The following PCDH15 variants were observed in gnomAD, a reference collection of about 807,000 sequenced individuals.
The protein encoded by PCDH15 is protocadherin related 15.
Under a neutral mutation model 178.5 loss-of-function variants are expected in PCDH15, and 129 were observed. The ratio of observed to expected loss-of-function variants is 0.72; its 90% CI spans 0.63 to 0.84. The LOEUF is 0.84. PCDH15 is among the 40% of genes least tolerant of loss of function. PCDH15 has a pLI of 0.00. For synonymous variants in PCDH15, 800 were observed against 732.0 expected, an observed-to-expected ratio of 1.09 and a Z score of -1.50; for missense variants, 2,230 against 2,099.9, an observed-to-expected ratio of 1.06 and a Z score of -1.21.
chr10:54,649,547 A>G (rs2094207506), intron 2 of PCDH15, among the ~76,000 whole-genome samples: 1 of 152,078 alleles, frequency 6.6e-6, no homozygotes, highest in Admixed American at 6.6e-5. Context: ...CAGTATTCCA[A>G]TTTTTCAATG....
At chr10:54,037,666 G>A (rs1281739094) in intron 18 of PCDH15, among the ~76,000 whole-genome samples, 1 of 151,920 alleles carries the variant, frequency 6.6e-6, no homozygotes, top group African/African-American at 2.4e-5. Flanking sequence ...AACATTTGCT[G>A]TATTACTGTG....
chr10:54,883,660 GC>G (rs1480018800), intron 3 of PCDH15, among the ~76,000 whole-genome samples: 6 of 151,832 alleles, frequency 4.0e-5, no homozygotes, highest in Admixed American at 3.9e-4. Flanking sequence ...AGTTTTATGT[GC>G]TATCAAACTT....
intron 9 of PCDH15, among the ~76,000 whole-genome samples, chr10:54,222,759 T>C (rs1385811892): frequency 6.6e-6 from 1 of 152,102 alleles, no homozygotes; most frequent in Non-Finnish European, 1.5e-5. Context: ...ACTTTTCATA[T>C]TCTTATTTTG....
At chr10:54,849,321 G>A (rs1025523500) in intron 3 of PCDH15, among the ~76,000 whole-genome samples, 2 of 152,130 alleles carry the variant, frequency 1.3e-5, no homozygotes, top group African/African-American at 2.4e-5. Context: ...TTTGAGTCAA[G>A]CCTTTGTAAG....
At chr10:54,384,308 A>G (rs1949656145) in intron 3 of PCDH15, among the ~76,000 whole-genome samples, 1 of 114,400 alleles carries the variant, frequency 8.7e-6, no homozygotes, top group East Asian at 2.7e-4. Flanking sequence ...AATCTCTACC[A>G]AGCTGAAGAT....
chr10:54,024,147 GTAAA>G (rs1188419360), intron 18 of PCDH15, among the ~76,000 whole-genome samples: 1 of 152,066 alleles, frequency 6.6e-6, no homozygotes, highest in East Asian at 1.9e-4. Context: ...AAAATATTGA[GTAAA>G]TATTCATCGA....
rs1248802069 is a variant in PCDH15 at position 53,984,162 on chromosome 10, T to TG, written c.2868+11486_2868+11487insC. On this transcript the variant is annotated intron_variant, in intron 21 of 37. Transcript: ENST00000644397. ...TTTTTTCTTTTCTTTTTTTTTTTTT[T>TG]TTTTTGAGGCAGAGTCTTGCTCTGT... Among the ~76,000 whole-genome samples, 6 of 127,710 alleles carry TG rather than the reference T, an allele frequency of 4.7e-5. 1 individual carries two copies. The highest frequency in any genetic ancestry group is 1.0e-4 in the Non-Finnish European group (6 of 58,782). 83.8% of individuals were successfully genotyped at this position (127,710 alleles called of 152,430 possible). A position where few individuals can be genotyped will look rare whatever the true frequency, so the allele number is the denominator to read the frequency against.
At chr10:54,983,711 T>A (rs1422932425) in intron 2 of PCDH15, among the ~76,000 whole-genome samples, 7 of 152,178 alleles carry the variant, frequency 4.6e-5, no homozygotes. Context: ...GTACTATTAA[T>A]GATGGCTGGT....
chr10:55,209,807 G>A (rs1476583814), intron 1 of PCDH15, among the ~76,000 whole-genome samples: 1 of 152,000 alleles, frequency 6.6e-6, no homozygotes, highest in South Asian at 2.1e-4. Flanking sequence ...TTTAGTATCT[G>A]GATATAAGCA....
chr10:54,873,336 G>C (rs1674782830), intron 3 of PCDH15, among the ~76,000 whole-genome samples: 1 of 151,872 alleles, frequency 6.6e-6, no homozygotes, highest in Non-Finnish European at 1.5e-5. Flanking sequence ...GTGAAATATA[G>C]TTGGGTAAAT....
chr10:54,036,293 A>G (rs1236895516), intron 18 of PCDH15, among the ~76,000 whole-genome samples: 1 of 151,972 alleles, frequency 6.6e-6, no homozygotes, highest in East Asian at 1.9e-4. Context: ...GCCATCTAGA[A>G]CTTCCGTAAC....
intron 3 of PCDH15, among the ~76,000 whole-genome samples, chr10:54,833,399 C>G (rs1953259549): frequency 6.6e-6 from 1 of 152,204 alleles, no homozygotes; most frequent in Non-Finnish European, 1.5e-5. Flanking sequence ...TTACCCTCCA[C>G]AAAGTGGGTG....
chr10:53,822,716 T>G (rs1287915316), intron 32 of PCDH15: 1 of 1,614,032 alleles, frequency 6.2e-7, no homozygotes, highest in Non-Finnish European at 8.5e-7. Flanking sequence ...AAGTGGAGAA[T>G]GAGAAGTGAG....
intron 13 of PCDH15, among the ~76,000 whole-genome samples, chr10:54,181,553 C>T (rs2047987902): frequency 6.6e-6 from 1 of 152,112 alleles, no homozygotes; most frequent in Non-Finnish European, 1.5e-5. Flanking sequence ...TCTCTCCCTC[C>T]ATAGTAGTCC....
chr10:54,247,445 A>G (rs1301844411), intron 8 of PCDH15, among the ~76,000 whole-genome samples: 1 of 152,064 alleles, frequency 6.6e-6, no homozygotes, highest in Non-Finnish European at 1.5e-5. Flanking sequence ...TTTTAGGCTC[A>G]TACACACTTG....
At chr10:54,136,315 A>T (rs549892118) in intron 14 of PCDH15, among the ~76,000 whole-genome samples, 2 of 152,220 alleles carry the variant, frequency 1.3e-5, no homozygotes, top group East Asian at 1.9e-4. Context: ...TGTTTTTTTT[A>T]AATTACCTCA....
chr10:55,579,304 A>C (rs1226588420), intron 2 of PCDH15, among the ~76,000 whole-genome samples: 1 of 152,212 alleles, frequency 6.6e-6, no homozygotes, highest in Non-Finnish European at 1.5e-5. Flanking sequence ...GCTAGATGAC[A>C]CAATTATCAT....
chr10:54,044,994 C>T (rs1003346430), intron 18 of PCDH15, among the ~76,000 whole-genome samples: 1 of 152,112 alleles, frequency 6.6e-6, no homozygotes, highest in African/African-American at 2.4e-5. Flanking sequence ...ATGCATAGGA[C>T]CACTGGATCT....
At chr10:55,247,875 G>C (rs546059159) in intron 1 of PCDH15, 25 of 142,922 alleles carry the variant, frequency 1.7e-4, no homozygotes, top group African/African-American at 6.6e-4. Flanking sequence ...CTGGGTGACA[G>C]AGTGAGACGC....
Sources: gnomAD v4.1 joint callset for allele counts (sites outside exome capture counted in the v4.1 genomes callset) on GRCh38, gnomAD v4.1.1 for gene constraint, MANE v1.5 for transcripts, NCBI Gene and HGNC (gene_info 2026-07-23, HGNC 2026-07-21) for gene names.